The following SPECC1L variants were observed in gnomAD, a reference collection of about 807,000 sequenced individuals.
SPECC1L encodes sperm antigen with calponin homology and coiled-coil domains 1 like.
A neutral mutation model predicts 116.8 loss-of-function variants in SPECC1L; 40 were observed. The observed-to-expected ratio is 0.34, with a 90% CI of 0.27 to 0.45. The LOEUF (loss-of-function observed/expected upper bound fraction) is 0.45, where lower values mean the gene tolerates loss of function less well. Ranked by LOEUF, SPECC1L falls within the 20% of genes least tolerant of loss-of-function variation. The pLI is 1.00. For synonymous variants in SPECC1L, 504 were observed against 500.6 expected (o/e 1.01, Z -0.09); for missense variants, 1,110 against 1,373.6 (o/e 0.81, Z 3.03).
At chr22:24,291,756 A>T (rs928217748) in intron 2 of SPECC1L, among the ~76,000 whole-genome samples, 2 of 152,150 alleles carry the variant, frequency 1.3e-5, no homozygotes, top group African/African-American at 4.8e-5. Flanking sequence ...ACATAGTATT[A>T]CCAGCCCCCT....
Position 24,363,322 on chromosome 22 carries a change from G to A in SPECC1L, c.2805G>A (p.Met935Ile). The stretch of plus-strand genomic sequence containing the variant: ...CTTCCCTGCCAAGAGTGCCTGCGAT[G>A]GAAAGTGCCAAGACCCTCTCAGGTG... ...RPASLPRVPA[M>I]ESAKTLSVSR... is the part of the protein sequence containing the mutation. The change falls in exon 12 of 17, where the codon ATG (methionine) becomes ATA (isoleucine). Residue 935 changes from methionine to isoleucine, a missense_variant. Physicochemically the swap from Met to Ile is conservative, Grantham distance 10. Coordinates refer to ENST00000314328, the MANE Select transcript of SPECC1L (RefSeq NM_015330.6). 1 of 1,614,178 alleles carries A rather than the reference G, an allele frequency of 6.2e-7. No homozygotes were observed. Among genetic ancestry groups the A allele is most frequent in the Non-Finnish European group, 8.5e-7 (1 of 1,180,016 alleles).
chr22:24,359,745 A>G (rs2041606337), intron 11 of SPECC1L, among the ~76,000 whole-genome samples: 1 of 152,104 alleles, frequency 6.6e-6, no homozygotes, highest in Admixed American at 6.6e-5. Context: ...GGGTATACTA[A>G]GCACTCAGTT....
At position 24,396,104 on chromosome 22, in the gene SPECC1L, G is replaced by A. The variant is rs532468404; in HGVS notation, c.3088-15484G>A. Among the ~76,000 whole-genome samples, 8 of 152,288 alleles carry A rather than the reference G, an allele frequency of 5.3e-5. No individual in the cohort carries two copies. The South Asian group carries it at 1.4e-3, about 28-fold the overall frequency. On this transcript the variant is annotated intron_variant, in intron 14 of 16. Transcript: ENST00000314328. ...ATAGCTCCTGCAGGGAACTGTCAGC[G>A]GATGCATCTTTGCAATGCTAGCTCT...
At chr22:24,335,692 A>C (rs1279704662) in intron 9 of SPECC1L, among the ~76,000 whole-genome samples, 3 of 152,220 alleles carry the variant, frequency 2.0e-5, no homozygotes, top group Admixed American at 6.5e-5. Flanking sequence ...AGCAAAAGTC[A>C]CATGTATACT....
At position 24,373,454 on chromosome 22, in the gene SPECC1L, C is replaced by T. The variant is rs200710219; in HGVS notation, c.3087+4134C>T. ...ATAGACCAATGGAACAGAACAGAGC[C>T]CTCAGAAATAATGCTGCATATCTAC... is the stretch of plus-strand genomic sequence containing the variant. On this transcript the variant is annotated intron_variant, in intron 14 of 16. Coordinates refer to ENST00000314328, the MANE Select transcript of SPECC1L (RefSeq NM_015330.6). Among the ~76,000 whole-genome samples, 1,576 of 152,144 alleles carry T rather than the reference C, an allele frequency of 0.01. 75 individuals carry two copies. The South Asian group carries it at 0.12, about 11-fold the overall frequency.
Position 24,351,511 on chromosome 22 carries a change from T to C in SPECC1L, c.2743+4335T>C, listed in dbSNP as rs558978244. 1.4e-4 allele frequency among the ~76,000 whole-genome samples: 22 copies of C among 152,318 alleles called. No homozygotes were observed. The South Asian group carries it at 4.6e-3, about 32-fold the overall frequency. ...CATGGGGGTACATGCCGTCAGTCTA[T>C]GTAAAAGCTGGTCTCATTCTCCACT... On this transcript the variant is annotated intron_variant, in intron 11 of 16. Transcript: ENST00000314328.
At chr22:24,364,690 G>A (rs2041717672) in intron 12 of SPECC1L, among the ~76,000 whole-genome samples, 1 of 150,256 alleles carries the variant, frequency 6.7e-6, no homozygotes, top group Non-Finnish European at 1.5e-5. Flanking sequence ...AGTGCCCTGA[G>A]CTAGCATTGC....
chr22:24,289,591 A>G (rs74812985), intron 2 of SPECC1L, among the ~76,000 whole-genome samples: 17 of 152,340 alleles, frequency 1.1e-4, no homozygotes, highest in Non-Finnish European at 1.9e-4. Context: ...ATAGAATAAT[A>G]GAAATCATAA....
At chr22:24,338,522 G>A (rs773691238) in intron 10 of SPECC1L, 45 bp downstream of exon 10, 7 of 1,549,256 alleles carry the variant, frequency 4.5e-6, no homozygotes, top group Non-Finnish European at 5.3e-6. Context: ...CTCAGAATCT[G>A]AAAGTTGAGG....
At chr22:24,342,705 G>T (rs2041203577) in intron 10 of SPECC1L, among the ~76,000 whole-genome samples, 2 of 149,158 alleles carry the variant, frequency 1.3e-5, no homozygotes, top group South Asian at 2.1e-4. Flanking sequence ...TAGAGGAAAA[G>T]ATCAGTATGT....
intron 9 of SPECC1L, among the ~76,000 whole-genome samples, chr22:24,337,625 C>A (rs1468699880): frequency 1.3e-5 from 2 of 152,094 alleles, no homozygotes; most frequent in Non-Finnish European, 2.9e-5. Flanking sequence ...GATATCAATT[C>A]TAAATATAAG....
chr22:24,285,503 T>C (rs1398902634), intron 2 of SPECC1L, among the ~76,000 whole-genome samples: 1 of 152,216 alleles, frequency 6.6e-6, no homozygotes, highest in South Asian at 2.1e-4. Flanking sequence ...TCTGAGTTCT[T>C]TCCACTTGGT....
At chr22:24,298,708 C>G (rs1347065053) in intron 2 of SPECC1L, among the ~76,000 whole-genome samples, 3 of 152,238 alleles carry the variant, frequency 2.0e-5, no homozygotes, top group African/African-American at 4.8e-5. Context: ...GCTCAGCAGT[C>G]AGGTGGGAGG....
chr22:24,397,826 C>A (rs1407593703), intron 14 of SPECC1L, among the ~76,000 whole-genome samples: 2 of 151,962 alleles, frequency 1.3e-5, no homozygotes, highest in Non-Finnish European at 2.9e-5. Flanking sequence ...GACTTTGTTT[C>A]TGGATGGAGT....
chr22:24,381,771 C>A (rs1189131615), intron 14 of SPECC1L, among the ~76,000 whole-genome samples: 1 of 152,154 alleles, frequency 6.6e-6, no homozygotes, highest in Non-Finnish European at 1.5e-5. Context: ...GTAGTCCCAG[C>A]TACTCGGGAG....
chr22:24,389,516 G>T (rs1213922077), intron 14 of SPECC1L, among the ~76,000 whole-genome samples: 1 of 150,322 alleles, frequency 6.7e-6, no homozygotes, highest in South Asian at 2.1e-4. Flanking sequence ...GGGGGCTTTC[G>T]GGTTTTTTTT....
chr22:24,368,678 C>T (rs2041818012), intron 13 of SPECC1L, among the ~76,000 whole-genome samples: 1 of 152,164 alleles, frequency 6.6e-6, no homozygotes, highest in African/African-American at 2.4e-5. Flanking sequence ...GACAGTGCCA[C>T]TCTTGTTGCC....
chr22:24,282,513 A>G (rs115473969), intron 2 of SPECC1L, among the ~76,000 whole-genome samples: 6,154 of 152,250 alleles, frequency 0.04, 410 homozygotes, highest in African/African-American at 0.14. Flanking sequence ...GGCAGTTTCA[A>G]TCGTGGTAAA....
intron 3 of SPECC1L, among the ~76,000 whole-genome samples, chr22:24,305,310 C>A (rs1285806853): frequency 6.6e-6 from 1 of 152,206 alleles, no homozygotes; most frequent in Admixed American, 6.5e-5. Flanking sequence ...TCAGAAGCTT[C>A]CACCGTGCCT....
Sources: allele counts gnomAD v4.1 joint callset (sites outside exome capture counted in the v4.1 genomes callset), GRCh38; gene constraint gnomAD v4.1.1; transcripts MANE v1.5; gene names NCBI Gene and HGNC (gene_info 2026-07-23, HGNC 2026-07-21).